The following OOEP variants were observed in gnomAD, a reference collection of about 807,000 sequenced individuals.
OOEP encodes the protein oocyte expressed protein.
OOEP carries 16 observed loss-of-function variants against 13.7 expected under a neutral mutation model. The observed-to-expected ratio is 1.16, with a 90% CI of 0.79 to 1.77. The LOEUF is 1.77. Among genes scored for constraint, OOEP ranks in the 40% most tolerant of loss-of-function variants. OOEP has a pLI of 0.00. For missense variants in OOEP, 195 were observed against 193.1 expected, an observed-to-expected ratio of 1.01 and a Z score of -0.06; for synonymous variants, 89 against 77.1, an observed-to-expected ratio of 1.15 and a Z score of -0.81.
rs1322297920 is a variant in OOEP at position 73,394,359 on chromosome 6, G to T, written c.12C>A (p.Thr4=). 7.0e-6 allele frequency: 5 copies of T among 715,216 alleles called. No homozygotes were observed. In the South Asian group the frequency reaches 7.4e-5, roughly 11 times the overall value. 44.3% of individuals were successfully genotyped at this position (715,216 alleles called of 1,614,324 possible). A position where few individuals can be genotyped will look rare whatever the true frequency, so the allele number is the denominator to read the frequency against. ...ACAGTGACTTACCTTTATGGGTCAC[G>T]GTTGAAAACATTTCCGGTGCAGTGG... Residue 4 remains threonine (T), a synonymous_variant, in exon 2 of 4, where the codon ACC becomes ACA. Transcript: ENST00000370363.
chr6:73,382,038 G>C (rs187072659), intron 2 of OOEP, among the ~76,000 whole-genome samples: 127 of 152,046 alleles, frequency 8.4e-4, no homozygotes, highest in African/African-American at 2.9e-3. Context: ...TTTTGTTTTT[G>C]TTTTTCTTTT....
upstream of OOEP, among the ~76,000 whole-genome samples, chr6:73,371,119 T>A (rs1769046923): frequency 6.6e-6 from 1 of 151,684 alleles, no homozygotes; most frequent in Admixed American, 6.6e-5. Context: ...AAGAAAAAAC[T>A]CAAAATAGTG....
chr6:73,382,967 A>G (rs1769229122), intron 2 of OOEP, among the ~76,000 whole-genome samples: 1 of 144,650 alleles, frequency 6.9e-6, no homozygotes, highest in Non-Finnish European at 1.5e-5. Flanking sequence ...CTTCCAAGTA[A>G]CTGGAACTAC....
upstream of OOEP, chr6:73,369,953 C>T (rs766629928): frequency 4.8e-6 from 3 of 622,768 alleles, no homozygotes; most frequent in Non-Finnish European, 8.4e-6. Flanking sequence ...AAGCGACGCC[C>T]CGGCATAGCG....
At chr6:73,377,936 G>GA (rs1479137998) in intron 2 of OOEP, among the ~76,000 whole-genome samples, 4 of 152,110 alleles carry the variant, frequency 2.6e-5, no homozygotes, top group African/African-American at 9.7e-5. Context: ...TGGCCTTCCT[G>GA]AAGTGCTAGG....
chr6:73,375,341 TG>T (rs1769122836), intron 2 of OOEP, among the ~76,000 whole-genome samples: 1 of 151,960 alleles, frequency 6.6e-6, no homozygotes, highest in Non-Finnish European at 1.5e-5. Context: ...CCCAGCACTG[TG>T]GGAGATAGGA....
At chr6:73,385,263 C>T (rs6937668) in intron 2 of OOEP, among the ~76,000 whole-genome samples, 99,188 of 151,410 alleles carry the variant, frequency 0.66, 32,986 homozygotes, top group South Asian at 0.74. Flanking sequence ...AGGAAAATGG[C>T]GTGAACCCGG....
chr6:73,370,044 G>T, upstream of OOEP: 1 of 528,350 alleles, frequency 1.9e-6, no homozygotes, highest in Non-Finnish European at 3.4e-6. Flanking sequence ...TTGGCCTCCT[G>T]TTGGGTCTCC....
rs1554233272 is a variant in OOEP, at chr6:73,379,657, A to AAAAAAAAAAAG, written c.26-10273_26-10272insCTTTTTTTTTT. ...CTATCTCAAAAAAAAAAAAAAAAAA[A>AAAAAAAAAAAG]AAAAGTGGCCTTATTTTACATGTTT... On this transcript the variant is annotated intron_variant, in intron 2 of 3. Transcript: ENST00000370363. 7.2e-4 allele frequency among the ~76,000 whole-genome samples: 80 copies of AAAAAAAAAAAG among 110,890 alleles called. 9 individuals carry two copies. The highest frequency in any genetic ancestry group is 1.1e-3 in the East Asian group (4 of 3,536). The allele number at this position is 110,890 out of a possible 152,430, so 72.7% of individuals were successfully genotyped here.
At chr6:73,369,087 C>T in intron 2 of OOEP, 119 bp downstream of exon 2, 1 of 1,075,546 alleles carries the variant, frequency 9.3e-7, no homozygotes, top group Non-Finnish European at 1.3e-6. Flanking sequence ...ACAGCTAGCT[C>T]CCTGGGGTCT....
intron 2 of OOEP, among the ~76,000 whole-genome samples, chr6:73,382,214 A>ATT (rs70994196): frequency 0.43 from 42,534 of 98,002 alleles, 11,398 homozygotes; most frequent in South Asian, 0.58. Context: ...CACCTGGCTA[A>ATT]TTTTTTTTTT....
chr6:73,376,039 C>T (rs1769133536), intron 2 of OOEP, among the ~76,000 whole-genome samples: 1 of 152,108 alleles, frequency 6.6e-6, no homozygotes, highest in African/African-American at 2.4e-5. Context: ...CCACCTCAGC[C>T]TCCAAAAGTG....
At chr6:73,394,267 G>T in intron 2 of OOEP, 1 of 704,032 alleles carries the variant, frequency 1.4e-6, no homozygotes, top group African/African-American at 1.8e-5. Context: ...CTTACATAGC[G>T]AGGATAAATG....
exon 1 of OOEP, chr6:73,394,856 T>G: frequency 6.3e-7 from 1 of 1,594,596 alleles, no homozygotes. Context: ...CACGGTCAGG[T>G]GGTGCAGAGC....
At chr6:73,388,776 A>G (rs904619855) in intron 2 of OOEP, among the ~76,000 whole-genome samples, 6 of 152,196 alleles carry the variant, frequency 3.9e-5, no homozygotes, top group African/African-American at 1.4e-4. Context: ...CCAGTATAAG[A>G]TATTGCCACC....
rs1193997424 is a variant in OOEP, at chr6:73,378,102, A to AT, written c.26-8718dup. Reference sequence around the variant, plus strand: ...TGTTACAAATTCTTCTTCTTCTTCTATTTTTTTTTCTTTTTTTTGAGATAG... The same window carrying AT: ...TGTTACAAATTCTTCTTCTTCTTCTATTTTTTTTTTCTTTTTTTTGAGATAG... On this transcript the variant is annotated intron_variant, in intron 2 of 3. Coordinates refer to the OOEP transcript ENST00000370363. 6.6e-3 allele frequency among the ~76,000 whole-genome samples: 769 copies of AT among 115,826 alleles called. 8 individuals are homozygous for AT. The highest frequency in any genetic ancestry group is 0.02 in the African/African-American group (725 of 35,426). The allele number at this position is 115,826 out of a possible 152,430, so 76.0% of individuals were successfully genotyped here.
chr6:73,381,027 C>T (rs999447191), intron 2 of OOEP, among the ~76,000 whole-genome samples: 1 of 151,596 alleles, frequency 6.6e-6, no homozygotes, highest in East Asian at 1.9e-4. Context: ...GGCGTGGTGG[C>T]GGGCACCTGT....
intron 2 of OOEP, among the ~76,000 whole-genome samples, chr6:73,386,977 GAAAAAAAAAAAAAAA>G (rs1169476638): frequency 1.9e-4 from 6 of 30,868 alleles, no homozygotes; most frequent in African/African-American, 5.5e-4. Context: ...TTCCATCTCA[GAAAAAAAAAAAAAAA>G]AAAAAAAAAA....
intron 2 of OOEP, among the ~76,000 whole-genome samples, chr6:73,394,110 G>A (rs551151479): frequency 2.6e-5 from 4 of 152,308 alleles, no homozygotes; most frequent in African/African-American, 7.2e-5. Flanking sequence ...GGAGGTGGAG[G>A]TGGGAGGATC....
Sources: allele counts gnomAD v4.1 joint callset (sites outside exome capture counted in the v4.1 genomes callset), GRCh38; gene constraint gnomAD v4.1.1; transcripts MANE v1.5; gene names NCBI Gene and HGNC (gene_info 2026-07-23, HGNC 2026-07-21).